Variants in GTF2H1 observed in about 807,000 individuals in gnomAD.
GTF2H1 encodes BTF2 p62.
In GTF2H1, 16 loss-of-function variants were observed where a neutral mutation model predicts 71.2. That is an observed-to-expected ratio of 0.22 (90% confidence interval 0.15 to 0.34). The LOEUF is 0.34. Ranked by LOEUF, GTF2H1 falls within the 10% of genes least tolerant of loss-of-function variation. GTF2H1 has a pLI of 1.00. For missense variants in GTF2H1, 498 were observed against 648.2 expected (o/e 0.77, Z 2.52); for synonymous variants, 215 against 219.0 (o/e 0.98, Z 0.16).
At chr11:18,355,484 A>AAAAT (rs34356133) in intron 11 of GTF2H1, among the ~76,000 whole-genome samples, 104,298 of 149,800 alleles carry the variant, frequency 0.7, 36,595 homozygotes, top group East Asian at 0.97. Flanking sequence ...AACATACAGT[A>AAAAT]AAATAAATAA....
intron 7 of GTF2H1, among the ~76,000 whole-genome samples, chr11:18,345,147 C>T (rs1865259523): frequency 6.6e-6 from 1 of 151,780 alleles, no homozygotes; most frequent in African/African-American, 2.4e-5. Context: ...ACTGCGATTG[C>T]ACCACTGCAC....
chr11:18,362,438 CT>C (rs1220200862), intron 14 of GTF2H1, among the ~76,000 whole-genome samples: 6 of 152,052 alleles, frequency 3.9e-5, no homozygotes, highest in Admixed American at 2.0e-4. Context: ...TACAATATAG[CT>C]TTTTTTCTTC....
chr11:18,331,782 A>T (rs966949384), intron 1 of GTF2H1, among the ~76,000 whole-genome samples: 4 of 152,014 alleles, frequency 2.6e-5, no homozygotes, highest in Non-Finnish European at 4.4e-5. Flanking sequence ...CCTTCCTAAT[A>T]CTTATTTTCC....
intron 3 of GTF2H1, among the ~76,000 whole-genome samples, chr11:18,336,555 A>G (rs1865033837): frequency 6.6e-6 from 1 of 152,192 alleles, no homozygotes; most frequent in Non-Finnish European, 1.5e-5. Context: ...GAGAATGTGC[A>G]AACCCAGAAG....
intron 7 of GTF2H1, among the ~76,000 whole-genome samples, chr11:18,344,345 CG>C: frequency 6.6e-6 from 1 of 152,176 alleles, no homozygotes; most frequent in Admixed American, 6.5e-5. Flanking sequence ...ATAGGCCGGG[CG>C]TGGTGGCTCG....
At chr11:18,331,168 C>T (rs981590462) in intron 1 of GTF2H1, among the ~76,000 whole-genome samples, 1 of 152,114 alleles carries the variant, frequency 6.6e-6, no homozygotes, top group Non-Finnish European at 1.5e-5. Flanking sequence ...CTGATTCTCC[C>T]GCTTCAGCAT....
At chr11:18,326,574 G>T (rs1389796075) in intron 1 of GTF2H1, among the ~76,000 whole-genome samples, 1 of 151,296 alleles carries the variant, frequency 6.6e-6, no homozygotes, top group Non-Finnish European at 1.5e-5. Flanking sequence ...TCTGTCTCAT[G>T]ATGTATTCTC....
In GTF2H1 at chr11:18,366,175, C is replaced by T; in HGVS notation, c.*306C>T. On this transcript the variant is annotated 3_prime_UTR_variant, in exon 15 of 15. Transcript: ENST00000265963. ...CATATATATTTTAAAAGACTGTTTA[C>T]TGCAGTTGCTCAGGAACTGCTTTTG... 2 of 277,454 alleles carry T rather than the reference C, an allele frequency of 7.2e-6. No homozygotes were observed. Among genetic ancestry groups the T allele is most frequent in the Non-Finnish European group, 1.3e-5 (2 of 149,502 alleles). 17.2% of individuals were successfully genotyped at this position (277,454 alleles called of 1,614,324 possible). A position where few individuals can be genotyped will look rare whatever the true frequency, so the allele number is the denominator to read the frequency against.
At chr11:18,363,073 T>A (rs1292441038) in intron 14 of GTF2H1, among the ~76,000 whole-genome samples, 1 of 152,074 alleles carries the variant, frequency 6.6e-6, no homozygotes, top group Non-Finnish European at 1.5e-5. Context: ...ATCATCACTA[T>A]CACTGTCTTC....
intron 4 of GTF2H1, among the ~76,000 whole-genome samples, chr11:18,339,072 G>A (rs1254647297): frequency 2.0e-5 from 3 of 152,164 alleles, no homozygotes; most frequent in Non-Finnish European, 4.4e-5. Flanking sequence ...TTATGGAATG[G>A]AATTCAGTCA....
At chr11:18,357,759 A>G (rs1420481015) in intron 11 of GTF2H1, among the ~76,000 whole-genome samples, 193 bp from the exon 12 acceptor site, 3 of 152,144 alleles carry the variant, frequency 2.0e-5, no homozygotes, top group Non-Finnish European at 4.4e-5. Flanking sequence ...ATTTGTAGGT[A>G]TCTTCTTTCT....
chr11:18,352,263 T>A, intron 10 of GTF2H1, 66 bp from the exon 11 acceptor site: 1 of 762,244 alleles, frequency 1.3e-6, no homozygotes, highest in Non-Finnish European at 2.3e-6. Context: ...GCTAAAATGT[T>A]GCAAAGACAA....
chr11:18,362,986 A>T lies in GTF2H1; in HGVS notation c.1560+2279A>T, dbSNP rs563324816. On this transcript the variant is annotated intron_variant, in intron 14 of 14. Transcript: ENST00000265963. ...GCCTGGTGCCTTTTTTCTATTTTTA[A>T]TTTTTTTTTTCTTTTTAAACTTTTG... is the stretch of plus-strand genomic sequence containing the variant. Among the ~76,000 whole-genome samples, 542 of 149,172 alleles carry T rather than the reference A, an allele frequency of 3.6e-3. 2 individuals carry two copies. The highest frequency in any genetic ancestry group is 0.013 in the African/African-American group (516 of 40,696).
chr11:18,344,174 A>G (rs969366477), intron 7 of GTF2H1, among the ~76,000 whole-genome samples: 1 of 129,476 alleles, frequency 7.7e-6, no homozygotes, highest in Non-Finnish European at 1.7e-5. Flanking sequence ...CAAGCCTCGT[A>G]CAATACACCT....
Position 18,363,704 on chromosome 11 carries a change from G to A in GTF2H1, c.1561-2079G>A, listed in dbSNP as rs370727502. ...AAGCTTGGAGTGTCTTCTCACAGCA[G>A]GGCAAGGATGGCAGATAGGTTTCAG... On this transcript the variant is annotated intron_variant, in intron 14 of 14. Transcript: ENST00000265963. Among the ~76,000 whole-genome samples the A allele has an allele frequency of 3.5e-4, 54 of 152,246 alleles. 2 individuals carry two copies. The South Asian group carries it at 1.0e-2, about 28-fold the overall frequency.
chr11:18,353,683 C>T (rs538411856), intron 11 of GTF2H1, among the ~76,000 whole-genome samples: 3 of 152,242 alleles, frequency 2.0e-5, no homozygotes, highest in South Asian at 2.1e-4. Flanking sequence ...TGAGTGTATA[C>T]CTATATTACG....
intron 11 of GTF2H1, 32 bp from the exon 12 acceptor site, chr11:18,357,920 A>T: frequency 7.4e-7 from 1 of 1,351,726 alleles, no homozygotes; most frequent in Middle Eastern, 1.8e-4. Context: ...AAGGGAGGAA[A>T]ACCAGTTTTA....
chr11:18,365,040 G>A (rs551034146), intron 14 of GTF2H1, among the ~76,000 whole-genome samples: 4 of 150,048 alleles, frequency 2.7e-5, no homozygotes, highest in East Asian at 2.0e-4. Context: ...GACCAGCCTG[G>A]GCAGCATAGC....
intron 11 of GTF2H1, among the ~76,000 whole-genome samples, chr11:18,352,983 T>C (rs973266259): frequency 2.0e-5 from 3 of 152,242 alleles, no homozygotes; most frequent in African/African-American, 4.8e-5. Flanking sequence ...CCCAATACTT[T>C]GGGAGGCCGA....
Sources: allele counts gnomAD v4.1 joint callset (sites outside exome capture counted in the v4.1 genomes callset), GRCh38; gene constraint gnomAD v4.1.1; transcripts MANE v1.5; gene names NCBI Gene and HGNC (gene_info 2026-07-23, HGNC 2026-07-21).